Variants in RPS10 observed in about 807,000 individuals in gnomAD.
RPS10 encodes ribosomal protein S10.
Under a neutral mutation model 22.6 loss-of-function variants are expected in RPS10, and 2 were observed. The observed-to-expected ratio is 0.09, with a 90% CI of 0.04 to 0.28. The LOEUF (loss-of-function observed/expected upper bound fraction) is 0.28, where lower values mean the gene tolerates loss of function less well. Ranked by LOEUF, RPS10 falls within the 10% of genes least tolerant of loss-of-function variation. The pLI is 1.00. For synonymous variants in RPS10, 70 were observed against 75.9 expected, an observed-to-expected ratio of 0.92 and a Z score of 0.40; for missense variants, 137 against 222.2, an observed-to-expected ratio of 0.62 and a Z score of 2.44.
In RPS10 at chr6:34,424,698, C is replaced by A. The variant is rs761359260; in HGVS notation, c.293G>T (p.Arg98Leu). Residue 98 changes from arginine (R) to leucine (L), a missense_variant, in exon 3 of 6, where the codon CGT becomes CTT. Transcript: ENST00000648437. ...AGGCCGAGGCCTGCCAGTCTCTGGA[C>A]GGCTACGGCGTAGGGTGGCAGGCAC... ...EIVPATLRRS[R>L]PETGRPRPKG... is the part of the protein sequence containing the mutation. 1 of 1,614,130 alleles carries A rather than the reference C, an allele frequency of 6.2e-7. No homozygotes were observed. The highest frequency in any genetic ancestry group is 1.7e-5 in the Admixed American group (1 of 60,018).
intron 2 of RPS10, 107 bp from the exon 3 acceptor site, chr6:34,424,947 T>G: frequency 3.7e-6 from 6 of 1,607,234 alleles, no homozygotes; most frequent in Non-Finnish European, 5.1e-6. Context: ...GCCCCCGCAG[T>G]CCTGACCTCC....
chr6:34,419,167 C>T (rs1214306103), intron 4 of RPS10, among the ~76,000 whole-genome samples: 2 of 151,406 alleles, frequency 1.3e-5, no homozygotes, highest in East Asian at 1.9e-4. Flanking sequence ...TACAGGCATG[C>T]GCCACCATGC....
chr6:34,417,542 G>T lies in RPS10; in HGVS notation c.462C>A (p.Gly154=). ...GCTGACCACGTCCACGACCAAATCCGCCTCTCTGTAAGAGAAAGCACATCA... is the reference window on the plus strand; with the variant it reads ...GCTGACCACGTCCACGACCAAATCCTCCTCTCTGTAAGAGAAAGCACATCA... ...AGSATEFQFR[G]GFGRGRGQPP... Residue 154 remains glycine (G), a synonymous_variant, in exon 6 of 6, where the codon GGC becomes GGA. Transcript: ENST00000648437. 2 of 1,613,314 alleles carry T rather than the reference G, an allele frequency of 1.2e-6. No individual in the cohort carries two copies. Among genetic ancestry groups the T allele is most frequent in the Non-Finnish European group, 1.7e-6 (2 of 1,179,930 alleles).
chr6:34,417,839 T>G (rs1485414474), intron 5 of RPS10: 1 of 718,554 alleles, frequency 1.4e-6, no homozygotes, highest in Non-Finnish European at 2.6e-6. Flanking sequence ...CCGTTTCTAC[T>G]GTACATGCTT....
intron 4 of RPS10, 87 bp from the exon 5 acceptor site, chr6:34,418,511 C>A: frequency 6.3e-7 from 1 of 1,595,888 alleles, no homozygotes; most frequent in Non-Finnish European, 8.6e-7. Context: ...TCCAATCTTG[C>A]AGGAAAAGCC....
chr6:34,422,869 C>G (rs1447455400), intron 3 of RPS10, among the ~76,000 whole-genome samples: 2 of 151,624 alleles, frequency 1.3e-5, no homozygotes, highest in African/African-American at 4.8e-5. Flanking sequence ...TCACTTGAGG[C>G]CAGGAGTTCA....
At chr6:34,420,221 GTTTTC>G (rs552108934) in intron 4 of RPS10, among the ~76,000 whole-genome samples, 49 of 152,106 alleles carry the variant, frequency 3.2e-4, no homozygotes, top group African/African-American at 9.9e-4. Context: ...TTCAGTAATC[GTTTTC>G]TTTTCTTTTG....
At chr6:34,421,034 A>AAAAAC (rs566261535) in intron 4 of RPS10, among the ~76,000 whole-genome samples, 11 of 147,140 alleles carry the variant, frequency 7.5e-5, no homozygotes, top group African/African-American at 2.3e-4. Context: ...AAAAAAAAAA[A>AAAAAC]AAGTTGAATC....
intron 3 of RPS10, among the ~76,000 whole-genome samples, chr6:34,422,638 T>C (rs1765806407): frequency 6.6e-6 from 1 of 151,696 alleles, no homozygotes; most frequent in South Asian, 2.1e-4. Flanking sequence ...TTGGTATCTT[T>C]AGTAGAGACA....
At chr6:34,419,706 A>C (rs1014252393) in intron 4 of RPS10, among the ~76,000 whole-genome samples, 1 of 151,964 alleles carries the variant, frequency 6.6e-6, no homozygotes, top group Non-Finnish European at 1.5e-5. Flanking sequence ...TGCTCCGAGT[A>C]GCTGGGACTA....
Position 34,421,712 on chromosome 6 carries a change from G to A in RPS10, c.400+18C>T, listed in dbSNP as rs761302357. 4 of 1,613,264 alleles carry A rather than the reference G, an allele frequency of 2.5e-6. No individual in the cohort carries two copies. The highest frequency in any genetic ancestry group is 2.2e-5 in the East Asian group (1 of 44,878). ...ATTTCACCCCAACACCCCTAATATA[G>A]GTGATGCATTTACTCACGTGGCACA... On this transcript the variant is annotated intron_variant, in intron 4 of 5. Coordinates refer to ENST00000648437, the MANE Select transcript of RPS10 (RefSeq NM_001014.5).
At chr6:34,424,459 T>C (rs1037403481) in intron 3 of RPS10, 1 of 593,886 alleles carries the variant, frequency 1.7e-6, no homozygotes, top group Non-Finnish European at 3.0e-6. Flanking sequence ...AGTGACAGAC[T>C]ATCTGTGCTT....
intron 3 of RPS10, 22 bp downstream of exon 3, chr6:34,424,647 G>T: frequency 6.2e-7 from 1 of 1,613,918 alleles, no homozygotes; most frequent in South Asian, 1.1e-5. Context: ...AATAGCTGAA[G>T]GGATTTGTGT....
intron 3 of RPS10, chr6:34,424,425 G>A (rs1765882884): frequency 1.9e-6 from 1 of 531,038 alleles, no homozygotes; most frequent in Non-Finnish European, 3.4e-6. Context: ...GTATCTGGAT[G>A]TTTGTACAGG....
In RPS10 at chr6:34,424,712, G is replaced by A. The variant is rs1254011135; in HGVS notation, c.279C>T (p.Thr93=). 6.2e-7 allele frequency: 1 copy of A among 1,614,080 alleles called. No homozygotes were observed. The highest frequency in any genetic ancestry group is 8.5e-7 in the Non-Finnish European group (1 of 1,180,044). ...LHLPPEIVPA[T]LRRSRPETGR... ...CAGTCTCTGGACGGCTACGGCGTAGGGTGGCAGGCACAATCTCCGGGGGCA... is the reference window on the plus strand; with the variant it reads ...CAGTCTCTGGACGGCTACGGCGTAGAGTGGCAGGCACAATCTCCGGGGGCA... Residue 93 remains threonine, a synonymous_variant, in exon 3 of 6, where the codon ACC becomes ACT. Transcript: ENST00000648437.
rs896501626 is a variant in RPS10 at position 34,421,940 on chromosome 6, G to C, written c.323-133C>G. On this transcript the variant is annotated intron_variant, in intron 3 of 5. Transcript: ENST00000648437. ...GGTTAAGATGGGTTAATGGGGACAG[G>C]AACTCCTTAAACCTACAATGTCAGC... The C allele has an allele frequency of 3.5e-6, 3 of 846,392 alleles. No homozygotes were observed. The African/African-American group carries it at 5.0e-5, about 14-fold the overall frequency. The allele number at this position is 846,392 out of a possible 1,614,324, so 52.4% of individuals were successfully genotyped here. A position where few individuals can be genotyped will look rare whatever the true frequency, so the allele number is the denominator to read the frequency against.
chr6:34,425,061 C>T lies in RPS10; in HGVS notation c.150+11G>A. ...GGAAGATCCATCCCATCTTCCTCCT[C>T]ACCCTCCTACCTGCATGGCCTTCAT... On this transcript the variant is annotated intron_variant, in intron 2 of 5. Coordinates refer to ENST00000648437, the MANE Select transcript of RPS10 (RefSeq NM_001014.5). The T allele has an allele frequency of 6.2e-7, 1 of 1,612,214 alleles. No homozygotes were observed. Among genetic ancestry groups the T allele is most frequent in the Non-Finnish European group, 8.5e-7 (1 of 1,179,926 alleles).
intron 4 of RPS10, among the ~76,000 whole-genome samples, chr6:34,421,034 A>AAAC (rs566261535): frequency 0.099 from 14,611 of 147,060 alleles, 1,730 homozygotes; most frequent in African/African-American, 0.28. Flanking sequence ...AAAAAAAAAA[A>AAAC]AAGTTGAATC....
intron 3 of RPS10, among the ~76,000 whole-genome samples, chr6:34,423,675 G>A (rs962353635): frequency 1.3e-5 from 2 of 152,138 alleles, no homozygotes; most frequent in Non-Finnish European, 2.9e-5. Context: ...CCTGAGGTCA[G>A]GAGTTCGAGC....
Sources: gnomAD v4.1 joint callset for allele counts (sites outside exome capture counted in the v4.1 genomes callset) on GRCh38, gnomAD v4.1.1 for gene constraint, MANE v1.5 for transcripts, NCBI Gene and HGNC (gene_info 2026-07-23, HGNC 2026-07-21) for gene names.